The following CLN6 variants were observed in gnomAD, a reference collection of about 807,000 sequenced individuals.
The protein encoded by CLN6 is CLN6 transmembrane ER protein, also known as ceroid-lipofuscinosis neuronal protein 6.
In CLN6, 22 loss-of-function variants were observed where a neutral mutation model predicts 33.3. The ratio of observed to expected loss-of-function variants is 0.66; its 90% CI spans 0.47 to 0.94. The LOEUF (loss-of-function observed/expected upper bound fraction) is 0.94. CLN6 is among the 40% of genes least tolerant of loss of function. The probability of loss-of-function intolerance (pLI) is 0.00; values close to 1 mark genes in which losing one functional copy is unlikely to be tolerated. For synonymous variants in CLN6, 201 were observed against 174.6 expected (o/e 1.15, Z -1.19); for missense variants, 387 against 417.1 (o/e 0.93, Z 0.63).
At chr15:68,229,245 G>A (rs954645574) in intron 1 of CLN6, among the ~76,000 whole-genome samples, 3 of 152,184 alleles carry the variant, frequency 2.0e-5, no homozygotes, top group African/African-American at 4.8e-5. Context: ...AACTTCGGGC[G>A]GGCGCTCCTC....
chr15:68,215,442 A>G (rs571400560), intron 2 of CLN6: 1 of 152,234 alleles, frequency 6.6e-6, no homozygotes, highest in African/African-American at 2.4e-5. Context: ...AAGGTTAAGT[A>G]GCCATTAACA....
chr15:68,229,765 GGAGCGGAGC>G, upstream of CLN6: 1 of 379,336 alleles, frequency 2.6e-6, no homozygotes, highest in Non-Finnish European at 4.5e-6. Flanking sequence ...GGAGCGGAGC[GGAGCGGAGC>G]GGAGGGAGGC....
chr15:68,220,527 G>A lies in CLN6; in HGVS notation c.84-1877C>T, dbSNP rs1401934207. ...GGAAAAGAGCTCCTTCCTTTATAGT[G>A]CTGGGTTCTAAGGGTGCAAGCCCAG... On this transcript the variant is annotated intron_variant, in intron 1 of 6. Coordinates refer to ENST00000249806, the MANE Select transcript of CLN6 (RefSeq NM_017882.3). The surrounding 1 kb of genome is among the most constrained non-coding windows in gnomAD (Gnocchi z 4.2). Among the ~76,000 whole-genome samples, 2 of 152,224 alleles carry A rather than the reference G, an allele frequency of 1.3e-5. No homozygotes were observed. The highest frequency in any genetic ancestry group is 4.8e-5 in the African/African-American group (2 of 41,446).
At chr15:68,229,373 C>A in intron 1 of CLN6, 129 bp downstream of exon 1, 1 of 651,758 alleles carries the variant, frequency 1.5e-6, no homozygotes, top group Non-Finnish European at 2.3e-6. Context: ...GCCCCCCGCG[C>A]TCCGCTCCGC....
rs762974318 is a variant in CLN6 at position 68,218,517 on chromosome 15, T to G, written c.198+19A>C. 3 of 1,558,328 alleles carry G rather than the reference T, an allele frequency of 1.9e-6. No individual in the cohort carries two copies. The highest frequency in any genetic ancestry group is 2.7e-6 in the Non-Finnish European group (3 of 1,129,220). On this transcript the variant is annotated intron_variant, in intron 2 of 6. Transcript: ENST00000249806. Reference sequence around the variant, plus strand: ...GTCCTCAGTGCTGGTCAGAGCCCTGTGCACCATTTCACACTCACCATGGCA... The same window carrying G: ...GTCCTCAGTGCTGGTCAGAGCCCTGGGCACCATTTCACACTCACCATGGCA...
intron 3 of CLN6, chr15:68,213,829 G>A (rs8036931): frequency 0.059 from 10,844 of 184,962 alleles, 998 homozygotes; most frequent in African/African-American, 0.21. Flanking sequence ...AGTGCTCCCA[G>A]TGACATCTCA....
intron 1 of CLN6, among the ~76,000 whole-genome samples, chr15:68,226,062 G>A (rs545024091): frequency 6.6e-6 from 1 of 151,812 alleles, no homozygotes; most frequent in Admixed American, 6.6e-5. Context: ...GCTCAGGCCT[G>A]TAATCCCAGC....
At chr15:68,213,064 C>G (rs1595818917) in intron 3 of CLN6, 1 of 147,470 alleles carries the variant, frequency 6.8e-6, no homozygotes, top group South Asian at 2.2e-4. Flanking sequence ...GGACTGCAGG[C>G]GCACACCACC....
intron 1 of CLN6, among the ~76,000 whole-genome samples, chr15:68,245,945 G>T (rs901209980): frequency 1.4e-4 from 22 of 152,076 alleles, no homozygotes; most frequent in African/African-American, 4.8e-4. Context: ...TAGACTACAA[G>T]TCAAAGACTG....
chr15:68,221,097 C>G (rs1265815090), intron 1 of CLN6, among the ~76,000 whole-genome samples: 1 of 151,750 alleles, frequency 6.6e-6, no homozygotes, highest in East Asian at 1.9e-4. Flanking sequence ...ATAATCAACC[C>G]ACATCAGCCA....
chr15:68,242,739 G>A lies in CLN6; in HGVS notation c.179+13951C>T, dbSNP rs1256423602. On this transcript the variant is annotated intron_variant, in intron 1 of 6. Coordinates refer to the CLN6 transcript ENST00000538696. The surrounding 1 kb of genome is among the most constrained non-coding windows in gnomAD (Gnocchi z 5.0). ...TGGTTTAAATTAAGGTCAGATATCA[G>A]ACTTGCTAAATGCTTTAAGGTCAAA... is the stretch of plus-strand genomic sequence containing the variant. 6.6e-6 allele frequency among the ~76,000 whole-genome samples: 1 copy of A among 152,180 alleles called. No homozygotes were observed. Among genetic ancestry groups the A allele is most frequent in the Non-Finnish European group, 1.5e-5 (1 of 68,034 alleles).
rs148629656 is a variant in CLN6, at chr15:68,207,853, G to A, written c.*287C>T. 18 of 471,620 alleles carry A rather than the reference G, an allele frequency of 3.8e-5. No individual in the cohort carries two copies. The East Asian group carries it at 7.0e-4, about 18-fold the overall frequency. 29.2% of individuals were successfully genotyped at this position (471,620 alleles called of 1,614,324 possible). ...GTGTGGTCAGGTGCAGAGGAGGGCA[G>A]GGGCCCGGATCCTGGCCCAGAAACA... On this transcript the variant is annotated 3_prime_UTR_variant, in exon 7 of 7. Coordinates refer to ENST00000249806, the MANE Select transcript of CLN6 (RefSeq NM_017882.3).
chr15:68,231,267 T>C (rs1226212315), upstream of CLN6, among the ~76,000 whole-genome samples: 1 of 149,518 alleles, frequency 6.7e-6, no homozygotes, highest in Non-Finnish European at 1.5e-5. Flanking sequence ...ATCCCCCCCC[T>C]CCGCCCCTGG....
intron 3 of CLN6, 179 bp from the exon 4 acceptor site, chr15:68,212,042 G>A: frequency 1.6e-6 from 1 of 633,040 alleles, no homozygotes; most frequent in East Asian, 2.7e-5. Context: ...TGACCCCTAT[G>A]AACCCCGGAG....
chr15:68,232,351 G>C (rs1484381259), upstream of CLN6, among the ~76,000 whole-genome samples: 2 of 152,004 alleles, frequency 1.3e-5, no homozygotes, highest in Non-Finnish European at 2.9e-5. The surrounding 1 kb of genome is among the most constrained non-coding windows in gnomAD (Gnocchi z 4.7). Flanking sequence ...TAGAGACGGG[G>C]TTTCACCATG....
chr15:68,217,588 A>G (rs1306372590), intron 2 of CLN6, among the ~76,000 whole-genome samples: 1 of 152,322 alleles, frequency 6.6e-6, no homozygotes, highest in East Asian at 1.9e-4. Flanking sequence ...CAGTTTCAGC[A>G]CTGGATATTG....
At chr15:68,226,318 C>CAAAAAAAAA (rs35031604) in intron 1 of CLN6, among the ~76,000 whole-genome samples, 1 of 63,232 alleles carries the variant, frequency 1.6e-5, no homozygotes, top group African/African-American at 4.6e-5. Context: ...GACTCCATCT[C>CAAAAAAAAA]AAAAAAAAAA....
Position 68,211,760 on chromosome 15 carries a change from T to C in CLN6, c.401A>G (p.Asn134Ser), listed in dbSNP as rs1428305686. Reference sequence around the variant, plus strand: ...GTAGCCACTGAAGAGCAGGCGGTGGTTGACAGAGTCACCCACCAGGTGGAT... The same window carrying C: ...GTAGCCACTGAAGAGCAGGCGGTGGCTGACAGAGTCACCCACCAGGTGGAT... The part of the protein sequence containing the change: ...ASIHLVGDSV[N>S]HRLLFSGYQH... The change falls in exon 4 of 7, where the codon AAC becomes AGC. Residue 134 changes from asparagine (N) to serine (S), a missense_variant. Transcript: ENST00000249806. This position sits in a 1 kb window ranked among gnomAD's most constrained non-coding sequence, Gnocchi z 5.9. The C allele has an allele frequency of 5.6e-6, 9 of 1,613,652 alleles. No homozygotes were observed. Among genetic ancestry groups the C allele is most frequent in the Non-Finnish European group, 7.6e-6 (9 of 1,179,814 alleles).
intron 1 of CLN6, chr15:68,254,786 G>A: frequency 1.1e-6 from 1 of 936,534 alleles, no homozygotes; most frequent in East Asian, 2.4e-5. Context: ...GGGAGAGAAG[G>A]TACCAAAAGG....
Sources: allele counts gnomAD v4.1 joint callset (sites outside exome capture counted in the v4.1 genomes callset), GRCh38; gene constraint gnomAD v4.1.1; non-coding constraint Gnocchi (gnomAD v3.1); transcripts MANE v1.5; gene names NCBI Gene and HGNC (gene_info 2026-07-23, HGNC 2026-07-21).